The following TRPM1 variants were observed in gnomAD, a reference collection of about 807,000 sequenced individuals.
TRPM1 encodes the protein TRPM1-203 APA Isoform, Intron 10.
In TRPM1, 113 loss-of-function variants were observed where a neutral mutation model predicts 149.4. The ratio of observed to expected loss-of-function variants is 0.76; its 90% CI spans 0.65 to 0.88. The LOEUF (loss-of-function observed/expected upper bound fraction) is 0.88, where lower values mean the gene tolerates loss of function less well. Ranked by LOEUF, TRPM1 falls within the 40% of genes least tolerant of loss-of-function variation. The pLI, the probability that TRPM1 is intolerant of heterozygous loss-of-function variation, is 0.00. For missense variants in TRPM1, 1,976 were observed against 2,038.7 expected, an observed-to-expected ratio of 0.97 and a Z score of 0.59; for synonymous variants, 741 against 759.5, an observed-to-expected ratio of 0.98 and a Z score of 0.40.
At chr15:31,062,133 C>T (rs987457558) in intron 9 of TRPM1, among the ~76,000 whole-genome samples, 1 of 152,164 alleles carries the variant, frequency 6.6e-6, no homozygotes, top group Admixed American at 6.5e-5. Context: ...CGTATCTAAT[C>T]AGACAGGAGA....
intron 27 of TRPM1, among the ~76,000 whole-genome samples, chr15:31,020,875 T>C (rs2032530587): frequency 6.6e-6 from 1 of 152,202 alleles, no homozygotes; most frequent in South Asian, 2.1e-4. Context: ...GCGAGGCCTG[T>C]GGTGGCTGGT....
chr15:31,077,498 C>T (rs2034734303), intron 2 of TRPM1, among the ~76,000 whole-genome samples: 1 of 152,152 alleles, frequency 6.6e-6, no homozygotes, highest in Non-Finnish European at 1.5e-5. Flanking sequence ...AGTGAACCGG[C>T]CTGCATCTGA....
At chr15:31,062,772 C>A (rs1245465328) in intron 8 of TRPM1, 70 bp from the exon 9 acceptor site, 1 of 1,535,736 alleles carries the variant, frequency 6.5e-7, no homozygotes, top group East Asian at 2.3e-5. Flanking sequence ...TCAGACATAT[C>A]TCTGTCTTTG....
In TRPM1 at chr15:31,026,138, C is replaced by T. The variant is rs776959843; in HGVS notation, c.3629+1G>A. Reference sequence around the variant, plus strand: ...GCCCGCGGTGGGGACGCTACACGTACCTTTCAGAAGTGACCCGGATGCGCT... The same window carrying T: ...GCCCGCGGTGGGGACGCTACACGTATCTTTCAGAAGTGACCCGGATGCGCT... On this transcript the variant is annotated splice_donor_variant, in intron 27 of 27. Transcript: ENST00000256552. LOFTEE classifies it high-confidence loss of function. The T allele has an allele frequency of 3.1e-6, 5 of 1,611,224 alleles. No homozygotes were observed. Among genetic ancestry groups the T allele is most frequent in the Non-Finnish European group, 4.2e-6 (5 of 1,180,026 alleles).
chr15:31,100,412 C>A (rs973251667), intron 1 of TRPM1, among the ~76,000 whole-genome samples: 8 of 152,020 alleles, frequency 5.3e-5, no homozygotes, highest in Non-Finnish European at 1.2e-4. Context: ...TCCCCCACTA[C>A]TTTTGCTAAT....
chr15:31,112,068 C>G (rs1478625314), intron 1 of TRPM1, among the ~76,000 whole-genome samples: 1 of 152,188 alleles, frequency 6.6e-6, no homozygotes, highest in African/African-American at 2.4e-5. Flanking sequence ...AGGCTGCTAA[C>G]AGAAAGGTAG....
At chr15:31,127,860 T>C (rs1157537113) in intron 1 of TRPM1, among the ~76,000 whole-genome samples, 1 of 151,954 alleles carries the variant, frequency 6.6e-6, no homozygotes, top group Non-Finnish European at 1.5e-5. Context: ...CGCGAACCAG[T>C]GGGGTTTAAG....
intron 1 of TRPM1, among the ~76,000 whole-genome samples, chr15:31,153,761 G>C (rs1441045046): frequency 6.6e-6 from 1 of 152,216 alleles, no homozygotes; most frequent in Non-Finnish European, 1.5e-5. Flanking sequence ...AACAGTGTGA[G>C]CCACATGTTG....
At chr15:31,138,583 T>C (rs905777327) in intron 1 of TRPM1, among the ~76,000 whole-genome samples, 2 of 152,016 alleles carry the variant, frequency 1.3e-5, no homozygotes, top group South Asian at 4.1e-4. Context: ...CCAGGCTGAG[T>C]GTAGTGGCTC....
chr15:31,154,504 C>G (rs2036342526), intron 1 of TRPM1, among the ~76,000 whole-genome samples: 1 of 152,224 alleles, frequency 6.6e-6, no homozygotes, highest in Admixed American at 6.5e-5. Context: ...TGCTTCTAAC[C>G]TCTAAGCTGT....
At position 31,069,825 on chromosome 15, in the gene TRPM1, G is replaced by T. The variant is rs775661525; in HGVS notation, c.279+206C>A. The T allele has an allele frequency of 4.6e-6, 7 of 1,518,622 alleles. No homozygotes were observed. The East Asian group carries it at 1.6e-4, about 35-fold the overall frequency. The allele number at this position is 1,518,622 out of a possible 1,614,324, so 94.1% of individuals were successfully genotyped here. A position where few individuals can be genotyped will look rare whatever the true frequency, so the allele number is the denominator to read the frequency against. On this transcript the variant is annotated intron_variant, in intron 4 of 27. Coordinates refer to ENST00000256552, the MANE Select transcript of TRPM1 (RefSeq NM_001252024.2). ...TTTGGTATGGATTTACGGGACACTAGATGTTCTTTACAGTGGTGTCCAGTT... is the reference window on the plus strand; with the variant it reads ...TTTGGTATGGATTTACGGGACACTATATGTTCTTTACAGTGGTGTCCAGTT...
intron 1 of TRPM1, among the ~76,000 whole-genome samples, chr15:31,127,443 C>T (rs2035965343): frequency 6.6e-6 from 1 of 152,180 alleles, no homozygotes; most frequent in Non-Finnish European, 1.5e-5. Flanking sequence ...GAATTCAAAA[C>T]AAAGCCAAAT....
intron 21 of TRPM1, among the ~76,000 whole-genome samples, chr15:31,033,772 C>T (rs118188576): frequency 0.027 from 4,156 of 152,216 alleles, 107 homozygotes; most frequent in South Asian, 0.13. Context: ...AACAGTGTCT[C>T]GGTGTATGGT....
chr15:31,112,979 T>TC (rs2035713857), intron 1 of TRPM1, among the ~76,000 whole-genome samples: 2 of 152,206 alleles, frequency 1.3e-5, no homozygotes, highest in South Asian at 2.1e-4. Flanking sequence ...AAAACTCGAT[T>TC]AACACAAGCT....
At chr15:31,112,547 T>C (rs1269367234) in intron 1 of TRPM1, among the ~76,000 whole-genome samples, 1 of 152,218 alleles carries the variant, frequency 6.6e-6, no homozygotes, top group Non-Finnish European at 1.5e-5. Context: ...CAGAGGTTTC[T>C]CCATCTCATG....
intron 22 of TRPM1, among the ~76,000 whole-genome samples, chr15:31,032,021 T>C (rs925557376): frequency 2.0e-5 from 3 of 150,816 alleles, no homozygotes; most frequent in Non-Finnish European, 3.0e-5. Flanking sequence ...TTTTTTTTTT[T>C]TTTTTGGCCA....
chr15:31,091,683 G>A (rs1052114662), intron 1 of TRPM1, among the ~76,000 whole-genome samples: 4 of 152,172 alleles, frequency 2.6e-5, no homozygotes, highest in Non-Finnish European at 4.4e-5. Flanking sequence ...TCACATGTGC[G>A]CTGTGTTCCT....
chr15:31,030,693 G>C (rs2033028524), intron 23 of TRPM1, among the ~76,000 whole-genome samples: 1 of 152,186 alleles, frequency 6.6e-6, no homozygotes, highest in South Asian at 2.1e-4. Context: ...ATACTGGGTT[G>C]AAGAAAAACT....
In TRPM1 at chr15:31,161,002, G is replaced by T. The variant is rs1370849811; in HGVS notation, c.-43C>A. ...TGAGCCACCCTGCTGACTCCCTCGG[G>T]TGGCCAGGCCAGTGGCACAGGGGCT... On this transcript the variant is annotated 5_prime_UTR_variant, in exon 1 of 27. Transcript: ENST00000542188. 7 of 1,532,924 alleles carry T rather than the reference G, an allele frequency of 4.6e-6. No homozygotes were observed. The East Asian group carries it at 1.5e-4, about 32-fold the overall frequency. 95.0% of individuals were successfully genotyped at this position (1,532,924 alleles called of 1,614,324 possible).
Sources: gnomAD v4.1 joint callset for allele counts (sites outside exome capture counted in the v4.1 genomes callset) on GRCh38, gnomAD v4.1.1 for gene constraint, MANE v1.5 for transcripts, NCBI Gene and HGNC (gene_info 2026-07-23, HGNC 2026-07-21) for gene names.